KPNA3: variants seen among roughly 807,000 people sequenced by gnomAD.
KPNA3 encodes importin subunit alpha-4.
A neutral mutation model predicts 73.8 loss-of-function variants in KPNA3; 13 were observed. The observed-to-expected ratio is 0.18, with a 90% confidence interval of 0.11 to 0.28. KPNA3 has a LOEUF of 0.28. Ranked by LOEUF, KPNA3 falls within the 10% of genes least tolerant of loss-of-function variation. The probability of loss-of-function intolerance (pLI) is 1.00; values close to 1 mark genes in which losing one functional copy is unlikely to be tolerated. For synonymous variants in KPNA3, 186 were observed against 206.9 expected, an observed-to-expected ratio of 0.90 and a Z score of 0.87; for missense variants, 360 against 618.1, an observed-to-expected ratio of 0.58 and a Z score of 4.43.
chr13:49,780,014 T>A (rs3851162), intron 1 of KPNA3, among the ~76,000 whole-genome samples: 1 of 151,956 alleles, frequency 6.6e-6, no homozygotes, highest in African/African-American at 2.4e-5. Flanking sequence ...TTTTCACCTC[T>A]TCTCCTAATA....
intron 10 of KPNA3, among the ~76,000 whole-genome samples, chr13:49,717,000 C>CA (rs753236760): frequency 6.6e-6 from 1 of 152,104 alleles, no homozygotes; most frequent in South Asian, 2.1e-4. Flanking sequence ...TCCTAACACT[C>CA]AAAGTTTTTT....
At chr13:49,740,564 CTT>C (rs1008882386) in intron 2 of KPNA3, among the ~76,000 whole-genome samples, 5 of 152,294 alleles carry the variant, frequency 3.3e-5, no homozygotes, top group South Asian at 4.1e-4. Context: ...CACAAGCTCT[CTT>C]GTCTGCTGTC....
chr13:49,715,970 T>G (rs1196963021), intron 10 of KPNA3, among the ~76,000 whole-genome samples: 1 of 152,002 alleles, frequency 6.6e-6, no homozygotes, highest in East Asian at 1.9e-4. Context: ...CTTAAGATGT[T>G]TCTCCATTAC....
At position 49,792,523 on chromosome 13, in the gene KPNA3, G is replaced by GGCGGCGGCTACTCCTGCGGCT; in HGVS notation, c.-38_-18dup. On this transcript the variant is annotated 5_prime_UTR_variant, in exon 1 of 17. Coordinates refer to ENST00000261667, the MANE Select transcript of KPNA3 (RefSeq NM_002267.4). ...CTCGGCCATGGCTGCGCGCGGCTCCGGCGGCGGCTACTCCTGCGGCTGCGG... is the reference window on the plus strand; with the variant it reads ...CTCGGCCATGGCTGCGCGCGGCTCCGGCGGCGGCTACTCCTGCGGCTGCGGCGGCTACTCCTGCGGCTGCGG... The GGCGGCGGCTACTCCTGCGGCT allele has an allele frequency of 1.3e-6, 2 of 1,567,806 alleles. No homozygotes were observed. Among genetic ancestry groups the GGCGGCGGCTACTCCTGCGGCT allele is most frequent in the Non-Finnish European group, 1.7e-6 (2 of 1,159,158 alleles).
At position 49,758,708 on chromosome 13, in the gene KPNA3, A is replaced by G. The variant is rs531122096; in HGVS notation, c.70-11715T>C. ...ATTATATGTGTGTGTTTATGTGTGT[A>G]TGTATGTATATAAATATGCATATAA... On this transcript the variant is annotated intron_variant, in intron 1 of 16. Coordinates refer to ENST00000261667, the MANE Select transcript of KPNA3 (RefSeq NM_002267.4). Among the ~76,000 whole-genome samples the G allele has an allele frequency of 5.3e-5, 8 of 152,182 alleles. No individual in the cohort carries two copies. The South Asian group carries it at 1.5e-3, about 28-fold the overall frequency.
At chr13:49,770,870 G>T in intron 1 of KPNA3, among the ~76,000 whole-genome samples, 1 of 144,878 alleles carries the variant, frequency 6.9e-6, no homozygotes, top group East Asian at 2.0e-4. Flanking sequence ...AAAAACCCCC[G>T]AAAATATAAC....
At chr13:49,788,737 TTAAA>T (rs1199917950) in intron 1 of KPNA3, among the ~76,000 whole-genome samples, 21 of 76,008 alleles carry the variant, frequency 2.8e-4, no homozygotes, top group Admixed American at 1.2e-3. Context: ...TTTTTTTTTT[TTAAA>T]AAAAAAAAGC....
chr13:49,746,078 A>G (rs1954614516), intron 2 of KPNA3, among the ~76,000 whole-genome samples: 1 of 151,848 alleles, frequency 6.6e-6, no homozygotes, highest in African/African-American at 2.4e-5. Flanking sequence ...AAAAAAAAAA[A>G]AAAAAAGAAA....
chr13:49,716,886 A>T (rs1179187300), intron 10 of KPNA3, among the ~76,000 whole-genome samples: 2 of 152,168 alleles, frequency 1.3e-5, no homozygotes, highest in African/African-American at 2.4e-5. Flanking sequence ...CCAGGTTTTC[A>T]TCAATCCCTT....
intron 1 of KPNA3, among the ~76,000 whole-genome samples, chr13:49,783,149 T>C (rs1443417013): frequency 6.6e-6 from 1 of 152,040 alleles, no homozygotes; most frequent in Non-Finnish European, 1.5e-5. Flanking sequence ...ATAATGGTGA[T>C]TCTCAAGAAC....
chr13:49,760,961 C>T (rs1954753678), intron 1 of KPNA3, among the ~76,000 whole-genome samples: 1 of 152,044 alleles, frequency 6.6e-6, no homozygotes, highest in African/African-American at 2.4e-5. Context: ...CCCTTTCCCC[C>T]CATGATCACG....
At chr13:49,741,337 G>A (rs1035111571) in intron 2 of KPNA3, among the ~76,000 whole-genome samples, 1 of 152,132 alleles carries the variant, frequency 6.6e-6, no homozygotes, top group Non-Finnish European at 1.5e-5. Context: ...TCTAACAGGT[G>A]TAAGATGATA....
intron 1 of KPNA3, among the ~76,000 whole-genome samples, chr13:49,757,840 C>G (rs1417956102): frequency 6.6e-6 from 1 of 152,108 alleles, no homozygotes; most frequent in Non-Finnish European, 1.5e-5. Context: ...TTAAAAGAAA[C>G]AAACTGCTGA....
chr13:49,740,401 T>A (rs1242523208), intron 2 of KPNA3, among the ~76,000 whole-genome samples: 1 of 152,186 alleles, frequency 6.6e-6, no homozygotes, highest in Non-Finnish European at 1.5e-5. Context: ...TTTGGCTGTA[T>A]TCCCACCCAA....
chr13:49,716,054 A>G (rs1467718828), intron 10 of KPNA3, among the ~76,000 whole-genome samples: 1 of 152,224 alleles, frequency 6.6e-6, no homozygotes, highest in East Asian at 1.9e-4. Flanking sequence ...ACTGAGCTCA[A>G]CTAATGGTTT....
intron 2 of KPNA3, among the ~76,000 whole-genome samples, chr13:49,742,964 A>C (rs966884062): frequency 2.6e-5 from 4 of 152,100 alleles, no homozygotes; most frequent in Non-Finnish European, 5.9e-5. Context: ...ATCAGCACTT[A>C]ATCGACTACA....
chr13:49,722,370 G>C (rs1479962649), intron 8 of KPNA3, 107 bp downstream of exon 8: 3 of 747,310 alleles, frequency 4.0e-6, no homozygotes, highest in African/African-American at 3.5e-5. Context: ...GGCAAGAAGA[G>C]AGTCAACACA....
intron 1 of KPNA3, among the ~76,000 whole-genome samples, chr13:49,758,171 T>C (rs947988517): frequency 6.6e-6 from 1 of 151,882 alleles, no homozygotes; most frequent in Admixed American, 6.6e-5. Flanking sequence ...AAAAGTATAC[T>C]AAAACAAAAA....
chr13:49,780,821 A>T (rs945780752), intron 1 of KPNA3, among the ~76,000 whole-genome samples: 4 of 150,792 alleles, frequency 2.7e-5, no homozygotes, highest in Non-Finnish European at 5.9e-5. Flanking sequence ...CCCAGGTTCA[A>T]GCGATTCTCC....
Sources: allele counts gnomAD v4.1 joint callset (sites outside exome capture counted in the v4.1 genomes callset), GRCh38; gene constraint gnomAD v4.1.1; transcripts MANE v1.5; gene names NCBI Gene and HGNC (gene_info 2026-07-23, HGNC 2026-07-21).